NEK1: variants seen among roughly 807,000 people sequenced by gnomAD.
The protein encoded by NEK1 is serine/threonine-protein kinase Nek1.
NEK1 carries 137 observed loss-of-function variants against 182.1 expected under a neutral mutation model. The observed-to-expected ratio is 0.75, with a 90% CI of 0.65 to 0.87. NEK1 has a LOEUF of 0.87. NEK1 is among the 40% of genes least tolerant of loss of function. The pLI is 0.00. For missense variants in NEK1, 1,391 were observed against 1,494.4 expected, an observed-to-expected ratio of 0.93 and a Z score of 1.14; for synonymous variants, 513 against 492.2, an observed-to-expected ratio of 1.04 and a Z score of -0.56.
rs187218483 is a variant in NEK1 at position 169,601,625 on chromosome 4, T to G, written c.214+383A>C. On this transcript the variant is annotated intron_variant, in intron 4 of 35. Transcript: ENST00000507142. ...TTACAGGAAGTTCAGTTAAAAAATATGTAAATTACTGTTCTTGCTCTGTCC... is the reference window on the plus strand; with the variant it reads ...TTACAGGAAGTTCAGTTAAAAAATAGGTAAATTACTGTTCTTGCTCTGTCC... 1.2e-3 allele frequency among the ~76,000 whole-genome samples: 182 copies of G among 152,252 alleles called. 1 individual carries two copies. The highest frequency in any genetic ancestry group is 2.1e-3 in the Non-Finnish European group (144 of 68,018).
At chr4:169,426,898 C>T (rs1230144174) in intron 29 of NEK1, among the ~76,000 whole-genome samples, 1 of 151,638 alleles carries the variant, frequency 6.6e-6, no homozygotes, top group Non-Finnish European at 1.5e-5. Context: ...TATTTTAACC[C>T]TCAAAGGGAG....
At chr4:169,470,506 G>A (rs192478119) in intron 26 of NEK1, among the ~76,000 whole-genome samples, 134 of 152,256 alleles carry the variant, frequency 8.8e-4, no homozygotes, top group Middle Eastern at 3.4e-3. Flanking sequence ...TTCAATGGGC[G>A]TCCCTTTGGG....
chr4:169,478,818 C>A (rs1168924240), intron 24 of NEK1, among the ~76,000 whole-genome samples: 1 of 152,142 alleles, frequency 6.6e-6, no homozygotes, highest in Non-Finnish European at 1.5e-5. Context: ...CCTGAACAGT[C>A]TTCACACTTC....
rs535909471 is a variant in NEK1, at chr4:169,460,069, A to C, written c.2587+3174T>G. Among the ~76,000 whole-genome samples the C allele has an allele frequency of 3.5e-4, 53 of 152,240 alleles. 1 individual carries two copies. The South Asian group carries it at 7.9e-3, about 23-fold the overall frequency. ...AACATTGGTCTATTGATTAAAACAA[A>C]CGTACCTCTCTGGTGTGGGCTATTG... is the stretch of plus-strand genomic sequence containing the variant. On this transcript the variant is annotated intron_variant, in intron 27 of 35. Transcript: ENST00000507142.
At chr4:169,586,624 G>C (rs1257371820) in intron 9 of NEK1, among the ~76,000 whole-genome samples, 1 of 151,858 alleles carries the variant, frequency 6.6e-6, no homozygotes, top group Non-Finnish European at 1.5e-5. Flanking sequence ...TCAAATAACT[G>C]TGTTGCAGAA....
chr4:169,417,135 C>CTATATATATA, intron 31 of NEK1, among the ~76,000 whole-genome samples: 1 of 152,218 alleles, frequency 6.6e-6, no homozygotes, highest in South Asian at 2.1e-4. Context: ...ACTTGAAAGA[C>CTATATATATA]TATAATGAGT....
chr4:169,456,442 G>A (rs1014045186), intron 27 of NEK1, among the ~76,000 whole-genome samples: 12 of 151,894 alleles, frequency 7.9e-5, no homozygotes, highest in African/African-American at 2.9e-4. Context: ...TTGAAAAGAT[G>A]AACAAAATCA....
intron 19 of NEK1, among the ~76,000 whole-genome samples, chr4:169,527,175 G>A (rs945096107): frequency 1.3e-5 from 2 of 152,236 alleles, no homozygotes; most frequent in East Asian, 3.9e-4. Context: ...ACATTTTTAC[G>A]TGAGAAAAGA....
chr4:169,576,860 A>T (rs1765758478), intron 12 of NEK1, 68 bp downstream of exon 12: 1 of 1,371,124 alleles, frequency 7.3e-7, no homozygotes, highest in East Asian at 2.5e-5. Context: ...AGGTAACTGA[A>T]TTGAGCTGCA....
intron 23 of NEK1, among the ~76,000 whole-genome samples, chr4:169,488,122 T>C (rs551726080): frequency 7.9e-5 from 12 of 152,324 alleles, no homozygotes; most frequent in East Asian, 3.9e-4. Context: ...ATTCTGTAGG[T>C]TGTCTGTTCA....
intron 7 of NEK1, among the ~76,000 whole-genome samples, chr4:169,589,197 A>C (rs1168952874): frequency 1.3e-5 from 2 of 152,202 alleles, no homozygotes; most frequent in Non-Finnish European, 2.9e-5. Context: ...GTAGCCCAGA[A>C]ACAATAGGCT....
chr4:169,540,308 C>T (rs56347788), intron 18 of NEK1, among the ~76,000 whole-genome samples: 7,285 of 152,042 alleles, frequency 0.048, 175 homozygotes, highest in Non-Finnish European at 0.055. Context: ...TGAAAATCAG[C>T]GTAATACATA....
At chr4:169,448,172 A>G in intron 27 of NEK1, among the ~76,000 whole-genome samples, 1 of 152,118 alleles carries the variant, frequency 6.6e-6, no homozygotes, top group East Asian at 1.9e-4. Flanking sequence ...AGTTGTAGTA[A>G]GCTGAGATTG....
chr4:169,566,181 T>C (rs1013489674), intron 12 of NEK1, among the ~76,000 whole-genome samples: 1 of 152,138 alleles, frequency 6.6e-6, no homozygotes, highest in East Asian at 1.9e-4. Flanking sequence ...AACTGGATTA[T>C]ATATATATTA....
chr4:169,522,148 GTAC>G (rs1235885541), intron 19 of NEK1, among the ~76,000 whole-genome samples: 1 of 152,116 alleles, frequency 6.6e-6, no homozygotes, highest in Non-Finnish European at 1.5e-5. Flanking sequence ...CATCTCCACT[GTAC>G]TACTGAGTCT....
intron 27 of NEK1, among the ~76,000 whole-genome samples, chr4:169,450,911 C>T (rs1741602773): frequency 6.6e-6 from 1 of 152,078 alleles, no homozygotes; most frequent in African/African-American, 2.4e-5. Flanking sequence ...CAAAGATGCA[C>T]ATAGGCTCAA....
At chr4:169,587,183 T>C (rs1561466189) in intron 9 of NEK1, among the ~76,000 whole-genome samples, 2 of 151,942 alleles carry the variant, frequency 1.3e-5, no homozygotes. Context: ...TGAAATTCTT[T>C]AAATTAGTTC....
intron 31 of NEK1, among the ~76,000 whole-genome samples, chr4:169,408,670 T>G (rs138294521): frequency 1.5e-4 from 23 of 152,282 alleles, no homozygotes; most frequent in African/African-American, 4.1e-4. Context: ...ATCACTCTTA[T>G]GCCTTTGGGT....
intron 12 of NEK1, among the ~76,000 whole-genome samples, chr4:169,568,420 T>C (rs766204791): frequency 2.0e-4 from 30 of 152,176 alleles, no homozygotes; most frequent in Non-Finnish European, 3.5e-4. Context: ...ACATAAAACA[T>C]ATTTCCAAAG....
Sources: gnomAD v4.1 joint callset for allele counts (sites outside exome capture counted in the v4.1 genomes callset) on GRCh38, gnomAD v4.1.1 for gene constraint, MANE v1.5 for transcripts, NCBI Gene and HGNC (gene_info 2026-07-23, HGNC 2026-07-21) for gene names.